The following TENM3 variants were observed in gnomAD, a reference collection of about 807,000 sequenced individuals.
TENM3 encodes teneurin transmembrane protein 3.
In TENM3, 63 loss-of-function variants were observed where a neutral mutation model predicts 255.1. The observed-to-expected ratio is 0.25, with a 90% CI of 0.20 to 0.30. The LOEUF (loss-of-function observed/expected upper bound fraction) is 0.30. Among genes scored for constraint, TENM3 ranks in the 10% least tolerant of loss-of-function variants. TENM3 has a pLI of 1.00. For synonymous variants in TENM3, 1,306 were observed against 1,322.3 expected (o/e 0.99, Z 0.27); for missense variants, 2,929 against 3,461.1 (o/e 0.85, Z 3.86).
At chr4:182,239,033 ATGTGTGTGTGTGTGTGTGTG>A (rs10533748), upstream of TENM3, among the ~76,000 whole-genome samples, 2 of 140,142 alleles carry the variant, frequency 1.4e-5, no homozygotes, top group African/African-American at 5.4e-5. Context: ...AAAAATCTTT[ATGTGTGTGTGTGTGTGTGTG>A]TGTGTGTGTG....
At chr4:181,631,053 G>T in the TENM3 span, among the ~76,000 whole-genome samples, 1 of 152,250 alleles carries the variant, frequency 6.6e-6, no homozygotes, top group African/African-American at 2.4e-5. Context: ...CAAAGAGTTA[G>T]CCAGCTGTGT....
At chr4:181,573,883 C>T in the TENM3 span, among the ~76,000 whole-genome samples, 1 of 152,124 alleles carries the variant, frequency 6.6e-6, no homozygotes. Flanking sequence ...CAGAACAAAC[C>T]TGTCCCAAAT....
At chr4:182,791,856 AG>A (rs905619229) in intron 25 of TENM3, among the ~76,000 whole-genome samples, 10 of 152,218 alleles carry the variant, frequency 6.6e-5, no homozygotes, top group South Asian at 2.1e-4. Context: ...CACTCAGATG[AG>A]GGGGGGAAAG....
At chr4:181,924,382 G>A in the TENM3 span, among the ~76,000 whole-genome samples, 3 of 152,156 alleles carry the variant, frequency 2.0e-5, no homozygotes, top group African/African-American at 7.2e-5. Flanking sequence ...TATCCATGAA[G>A]CATTAATTAG....
chr4:182,673,206 C>T lies in TENM3; in HGVS notation c.1313C>T (p.Pro438Leu). Residue 438 changes from proline (P) to leucine (L), a missense_variant, in exon 7 of 28, where the codon CCT becomes CTT. Pro to Leu is a moderately conservative substitution (Grantham distance 98, BLOSUM62 -3). This residue lies in a region of TENM3 where 1,608 missense variants were observed against 1,884.4 expected (regional missense o/e 0.85). Transcript: ENST00000511685. The part of the protein sequence containing the change: ...IGVYGRKGLP[P>L]SHTQYDFVEL... ...GTATATGGCCGGAAAGGCTTACCGC[C>T]TTCCCATACTCAGGTAAGACTAGGC... The T allele has an allele frequency of 6.2e-7, 1 of 1,610,390 alleles. No individual in the cohort carries two copies. The highest frequency in any genetic ancestry group is 8.5e-7 in the Non-Finnish European group (1 of 1,176,990).
At chr4:182,294,104 T>A (rs1228857649) in intron 1 of TENM3, among the ~76,000 whole-genome samples, 1 of 152,052 alleles carries the variant, frequency 6.6e-6, no homozygotes, top group African/African-American at 2.4e-5. Context: ...CCCTACCATC[T>A]GCGTCTCTGC....
intron 5 of TENM3, among the ~76,000 whole-genome samples, chr4:182,650,889 A>AAAAAAAATATATATATATAT (rs1281790163): frequency 3.4e-5 from 1 of 29,764 alleles, no homozygotes; most frequent in Non-Finnish European, 5.7e-5. Context: ...AATAAAAAAA[A>AAAAAAAATATATATATATAT]ATATATATAT....
At chr4:182,335,097 A>G (rs1466768374) in intron 2 of TENM3, among the ~76,000 whole-genome samples, 2 of 151,946 alleles carry the variant, frequency 1.3e-5, no homozygotes, top group African/African-American at 4.8e-5. Context: ...ATGAACGCAC[A>G]GGTAGGAAGG....
intron 13 of TENM3, among the ~76,000 whole-genome samples, chr4:182,717,691 G>T (rs774890272): frequency 1.3e-5 from 2 of 152,198 alleles, no homozygotes; most frequent in Non-Finnish European, 2.9e-5. Flanking sequence ...AATGGGGCAC[G>T]TAGACACTTT....
intron 1 of TENM3, among the ~76,000 whole-genome samples, chr4:182,198,086 C>G (rs1753942518): frequency 1.3e-5 from 2 of 151,854 alleles, no homozygotes; most frequent in Admixed American, 1.3e-4. Flanking sequence ...GCCTGGGCGA[C>G]AGAGTGAGAC....
At chr4:182,363,414 T>A (rs1266504111) in intron 3 of TENM3, among the ~76,000 whole-genome samples, 1 of 151,780 alleles carries the variant, frequency 6.6e-6, no homozygotes, top group Non-Finnish European at 1.5e-5. Flanking sequence ...TATTCATATA[T>A]GTACATATAT....
chr4:182,359,005 A>T (rs1765760548), intron 3 of TENM3, among the ~76,000 whole-genome samples: 1 of 151,570 alleles, frequency 6.6e-6, no homozygotes, highest in Non-Finnish European at 1.5e-5. Flanking sequence ...GGTTCTGTTT[A>T]TATGCTGGAT....
intron 3 of TENM3, among the ~76,000 whole-genome samples, chr4:182,569,415 G>A (rs1312157911): frequency 6.6e-6 from 1 of 152,034 alleles, no homozygotes; most frequent in African/African-American, 2.4e-5. Context: ...TAAGCCGGGC[G>A]TGGTGACATG....
At position 182,628,774 on chromosome 4, in the gene TENM3, A is replaced by G. The variant is rs746178895; in HGVS notation, c.873A>G (p.Leu291=). The G allele has an allele frequency of 6.2e-7, 1 of 1,610,372 alleles. No homozygotes were observed. The highest frequency in any genetic ancestry group is 2.2e-5 in the East Asian group (1 of 44,812). ...PPTRPLPRNT[L]SRSAFKFKKS... ...CTCGGCCACTACCTAGAAACACCCT[A>G]TCAAGAAGTGCTTTTAAATTCAAGA... Residue 291 remains leucine, a synonymous_variant, in exon 5 of 28, where the codon CTA becomes CTG. Transcript: ENST00000511685.
chr4:182,581,910 C>T (rs915172461), intron 3 of TENM3, among the ~76,000 whole-genome samples: 13 of 151,856 alleles, frequency 8.6e-5, no homozygotes, highest in African/African-American at 1.2e-4. Flanking sequence ...TTTAACCTCA[C>T]ATATATTTTT....
chr4:182,024,480 G>A, the TENM3 span, among the ~76,000 whole-genome samples: 16 of 152,232 alleles, frequency 1.1e-4, no homozygotes, highest in South Asian at 3.3e-3. Flanking sequence ...TTTTAAAAAT[G>A]ATTTATGGTA....
In TENM3 at chr4:182,335,726, A is replaced by G. The variant is rs568108630; in HGVS notation, c.233-10925A>G. On this transcript the variant is annotated intron_variant, in intron 2 of 27. Coordinates refer to ENST00000511685, the MANE Select transcript of TENM3 (RefSeq NM_001080477.4). The stretch of plus-strand genomic sequence containing the variant: ...AAAATTTAAAACCTTTTACATGTAA[A>G]TTAAAATACCCAGAAACAAAATCAC... 2.0e-5 allele frequency among the ~76,000 whole-genome samples: 3 copies of G among 152,244 alleles called. 1 individual carries two copies. In the South Asian group the frequency reaches 6.2e-4, roughly 32 times the overall value.
At chr4:181,793,637 T>C in the TENM3 span, among the ~76,000 whole-genome samples, 2 of 152,174 alleles carry the variant, frequency 1.3e-5, no homozygotes, top group African/African-American at 2.4e-5. Flanking sequence ...AAGAACTCAA[T>C]TTCCAATTCC....
At chr4:182,194,026 TA>T (rs777903103) in intron 1 of TENM3, among the ~76,000 whole-genome samples, 18 of 152,204 alleles carry the variant, frequency 1.2e-4, no homozygotes, top group Non-Finnish European at 2.1e-4. Context: ...AGAATTAACA[TA>T]ATCTATTTTT....
Sources: gnomAD v4.1 joint callset for allele counts (sites outside exome capture counted in the v4.1 genomes callset) on GRCh38, gnomAD v4.1.1 for gene constraint, gnomAD v4.1.1 regional missense constraint, MANE v1.5 for transcripts, NCBI Gene and HGNC (gene_info 2026-07-23, HGNC 2026-07-21) for gene names.